PC: variants seen among roughly 807,000 people sequenced by gnomAD.
PC encodes pyruvate carboxylase, mitochondrial.
Under a neutral mutation model 107.8 loss-of-function variants are expected in PC, and 46 were observed. The observed-to-expected ratio is 0.43, with a 90% confidence interval of 0.34 to 0.55. PC has a LOEUF of 0.55. PC is among the 20% of genes least tolerant of loss of function. The pLI is 0.04. For synonymous variants in PC, 662 were observed against 684.7 expected (o/e 0.97, Z 0.52); for missense variants, 1,241 against 1,643.1 (o/e 0.76, Z 4.23).
At chr11:66,917,210 T>C (rs183383421) in intron 3 of PC, among the ~76,000 whole-genome samples, 20 of 151,946 alleles carry the variant, frequency 1.3e-4, no homozygotes, top group African/African-American at 4.8e-4. Context: ...TAGCTGGGAT[T>C]ACAGGGGCGC....
At chr11:66,912,007 T>C (rs2136072747) in intron 3 of PC, among the ~76,000 whole-genome samples, 1 of 151,132 alleles carries the variant, frequency 6.6e-6, no homozygotes, top group Middle Eastern at 3.4e-3. Context: ...CACTCCAGCC[T>C]GGGCAACAGA....
chr11:66,850,785 G>C lies in PC; in HGVS notation c.2362C>G (p.Gln788Glu). Reference protein sequence around the residue: ...AGVAAMLACAQAGADVVDVAA... With the variant: ...AGVAAMLACAEAGADVVDVAA... ...ACATCCACCACATCAGCTCCAGCCT[G>C]GGCACAGGCCAGCATGGCTGCCACG... Residue 788 changes from glutamine (Q) to glutamate (E), a missense_variant, in exon 18 of 23, where the codon CAG becomes GAG. Transcript: ENST00000393960. 1 of 1,611,658 alleles carries C rather than the reference G, an allele frequency of 6.2e-7. No homozygotes were observed. Among genetic ancestry groups the C allele is most frequent in the Non-Finnish European group, 8.5e-7 (1 of 1,180,010 alleles).
intron 21 of PC, 104 bp from the exon 22 acceptor site, chr11:66,849,474 C>A: frequency 6.2e-7 from 1 of 1,602,154 alleles, no homozygotes; most frequent in South Asian, 1.1e-5. Flanking sequence ...GCTCCTCGTT[C>A]CTAAAGGCCT....
In PC at chr11:66,852,389, A is replaced by G. The variant is rs760987344; in HGVS notation, c.1825+50T>C. The G allele has an allele frequency of 8.9e-6, 13 of 1,460,150 alleles. No individual in the cohort carries two copies. In the East Asian group the frequency reaches 2.5e-4, roughly 28 times the overall value. 90.4% of individuals were successfully genotyped at this position (1,460,150 alleles called of 1,614,324 possible). ...GTGGCCTAAGCCTGTGGGACTGGCC[A>G]CAGAGCGGGCGCCCATTCCTACCAG... On this transcript the variant is annotated intron_variant, in intron 15 of 22. Coordinates refer to ENST00000393960, the MANE Select transcript of PC (RefSeq NM_001040716.2). This position sits in a 1 kb window ranked among gnomAD's most constrained non-coding sequence, Gnocchi z 4.7.
intron 3 of PC, among the ~76,000 whole-genome samples, chr11:66,902,501 A>C (rs1353919975): frequency 6.6e-6 from 1 of 152,186 alleles, no homozygotes; most frequent in African/African-American, 2.4e-5. Context: ...CTCAGAGCTC[A>C]AAGCCACGTA....
At chr11:66,881,543 C>T (rs764240477) in intron 3 of PC, among the ~76,000 whole-genome samples, 1 of 152,246 alleles carries the variant, frequency 6.6e-6, no homozygotes, top group African/African-American at 2.4e-5. Flanking sequence ...AGGGCCTGGC[C>T]GTCACCTGCC....
rs1946501075 is a variant in PC, at chr11:66,866,467, A to G, written c.1023-118T>C. 1.3e-6 allele frequency: 1 copy of G among 759,178 alleles called. No individual in the cohort carries two copies. Among genetic ancestry groups the G allele is most frequent in the Non-Finnish European group, 2.2e-6 (1 of 455,544 alleles). 47.0% of individuals were successfully genotyped at this position (759,178 alleles called of 1,614,324 possible). ...TCCACACACAGTGCGACTCCTGCCC[A>G]TAGGCTCTGGGCCAGCCTGAACAGC... On this transcript the variant is annotated intron_variant, in intron 10 of 22. Transcript: ENST00000393960. The surrounding 1 kb of genome is among the most constrained non-coding windows in gnomAD (Gnocchi z 5.4).
chr11:66,856,097 C>G (rs962034489), intron 12 of PC, among the ~76,000 whole-genome samples: 1 of 152,242 alleles, frequency 6.6e-6, no homozygotes, highest in Non-Finnish European at 1.5e-5. Flanking sequence ...GCTCGCCGAG[C>G]CACCGAAGCC....
chr11:66,878,546 G>A (rs118104900), intron 3 of PC, among the ~76,000 whole-genome samples: 198 of 152,308 alleles, frequency 1.3e-3, no homozygotes, highest in Non-Finnish European at 2.4e-3. Context: ...CCCCCTCGGC[G>A]GCCCCTCTCA....
intron 3 of PC, among the ~76,000 whole-genome samples, chr11:66,925,182 C>T (rs138528392): frequency 0.059 from 8,978 of 152,030 alleles, 318 homozygotes; most frequent in Non-Finnish European, 0.087. Context: ...GTTTCGGGCA[C>T]GCATTGTCAT....
intron 1 of PC, among the ~76,000 whole-genome samples, chr11:66,955,986 TG>T (rs1032839267): frequency 3.5e-4 from 53 of 151,926 alleles, no homozygotes; most frequent in African/African-American, 1.2e-3. Flanking sequence ...TTGGCCAGGC[TG>T]GTCTCGAACT....
At chr11:66,869,454 C>G (rs1459520793) in intron 9 of PC, among the ~76,000 whole-genome samples, 1 of 152,052 alleles carries the variant, frequency 6.6e-6, no homozygotes, top group Non-Finnish European at 1.5e-5. Flanking sequence ...GATAATGACT[C>G]TAACTCAAAT....
rs764534091 is a variant in PC at position 66,851,817 on chromosome 11, G to A, written c.1955C>T (p.Thr652Ile). 3 of 1,614,144 alleles carry A rather than the reference G, an allele frequency of 1.9e-6. No homozygotes were observed. Among genetic ancestry groups the A allele is most frequent in the Non-Finnish European group, 2.5e-6 (3 of 1,180,018 alleles). ...LLRGANAVGY[T>I]NYPDNVVFKF... ...GAAGACCACGTTGTCTGGGTAGTTG[G>A]TGTAGCCCACAGCATTGGCCCCCCG... The change falls in exon 16 of 23, where the codon ACC (threonine) becomes ATC (isoleucine). Residue 652 changes from threonine to isoleucine, a missense_variant. By Grantham distance (89) the Thr-to-Ile change is moderately conservative (BLOSUM62 -1). This residue lies in a region of PC where 1,143 missense variants were observed against 1,551.9 expected (regional missense o/e 0.74). Coordinates refer to ENST00000393960, the MANE Select transcript of PC (RefSeq NM_001040716.2).
intron 3 of PC, among the ~76,000 whole-genome samples, chr11:66,875,609 G>GTCGC (rs1366426741): frequency 6.6e-6 from 1 of 152,086 alleles, no homozygotes; most frequent in African/African-American, 2.4e-5. Flanking sequence ...GGACGCACGG[G>GTCGC]TCGCTGGGCA....
intron 3 of PC, among the ~76,000 whole-genome samples, chr11:66,895,063 TCC>T (rs1000424926): frequency 2.0e-5 from 3 of 147,196 alleles, no homozygotes; most frequent in Non-Finnish European, 4.5e-5. Context: ...GACCCCTACC[TCC>T]CCCATCTCAT....
intron 3 of PC, among the ~76,000 whole-genome samples, chr11:66,905,363 C>T (rs569613675): frequency 2.0e-5 from 3 of 152,252 alleles, no homozygotes; most frequent in Admixed American, 1.3e-4. Flanking sequence ...GAAACAGGAC[C>T]GGCTGTCCTC....
At position 66,872,108 on chromosome 11, in the gene PC, G is replaced by A. The variant is rs144583275; in HGVS notation, c.52C>T (p.Arg18Ter). The change falls in exon 4 of 23, where the codon CGA (arginine) becomes TGA (stop). Residue 18 changes from arginine (R) to a stop codon, truncating the protein, a stop_gained. Transcript: ENST00000393960. LOFTEE classifies it high-confidence loss of function. ...GAGGCAGCGGGGGCGGTGGAGGTTC[G>A]GCGGATTCCCAGGAGCCTCAGGCCC... is the stretch of plus-strand genomic sequence containing the variant. ...HGGLRLLGIR[R>*]TSTAPAASPN... The A allele has an allele frequency of 6.4e-7, 1 of 1,574,486 alleles. No homozygotes were observed. The highest frequency in any genetic ancestry group is 8.6e-7 in the Non-Finnish European group (1 of 1,160,742).
At position 66,850,130 on chromosome 11, in the gene PC, C is replaced by G. The variant is rs1362650019; in HGVS notation, c.2719-14G>C. 1 of 1,613,804 alleles carries G rather than the reference C, an allele frequency of 6.2e-7. No homozygotes were observed. Among genetic ancestry groups the G allele is most frequent in the Non-Finnish European group, 8.5e-7 (1 of 1,180,030 alleles). ...GGAGGGCGTCACCTGAGGAGAAGGCCCTGGAGGTTAGGGTGCCAGGCACCT... is the reference window on the plus strand; with the variant it reads ...GGAGGGCGTCACCTGAGGAGAAGGCGCTGGAGGTTAGGGTGCCAGGCACCT... On this transcript the variant is annotated splice_polypyrimidine_tract_variant and intron_variant, in intron 19 of 22. Transcript: ENST00000393960.
intron 9 of PC, 75 bp from the exon 10 acceptor site, chr11:66,869,039 T>A (rs1471064971): frequency 8.8e-7 from 1 of 1,135,128 alleles, no homozygotes; most frequent in Non-Finnish European, 1.3e-6. Flanking sequence ...AGGACAGGGA[T>A]TCCGTCCCAC....
Sources: allele counts gnomAD v4.1 joint callset (sites outside exome capture counted in the v4.1 genomes callset), GRCh38; gene constraint gnomAD v4.1.1; regional missense constraint gnomAD v4.1.1; non-coding constraint Gnocchi (gnomAD v3.1); transcripts MANE v1.5; gene names NCBI Gene and HGNC (gene_info 2026-07-23, HGNC 2026-07-21).